PTPRD: variants seen among roughly 807,000 people sequenced by gnomAD.
PTPRD encodes the protein receptor-type tyrosine-protein phosphatase delta.
A neutral mutation model predicts 214.5 loss-of-function variants in PTPRD; 34 were observed. The observed-to-expected ratio is 0.16, with a 90% CI of 0.12 to 0.21. The LOEUF (loss-of-function observed/expected upper bound fraction) is 0.21. Ranked by LOEUF, PTPRD falls within the 10% of genes least tolerant of loss-of-function variation. PTPRD has a pLI of 1.00. For missense variants in PTPRD, 2,545 were observed against 2,398.7 expected (o/e 1.06, Z -1.27); for synonymous variants, 1,128 against 845.7 (o/e 1.33, Z -5.79).
chr9:10,185,439 T>C lies in PTPRD; in HGVS notation c.-544-151649A>G, dbSNP rs562491391. On this transcript the variant is annotated intron_variant, in intron 3 of 45. Transcript: ENST00000381196. ...CTTGAAGAAAAGGGAGAAAGAAAAT[T>C]AGCATTTATATCTTTCCTCCTTTGT... is the stretch of plus-strand genomic sequence containing the variant. Among the ~76,000 whole-genome samples, 8 of 152,306 alleles carry C rather than the reference T, an allele frequency of 5.3e-5. 1 individual carries two copies. Among genetic ancestry groups the C allele is most frequent in the African/African-American group, 1.7e-4 (7 of 41,580 alleles).
chr9:9,158,229 T>C (rs1174111308), intron 10 of PTPRD, among the ~76,000 whole-genome samples: 1 of 152,196 alleles, frequency 6.6e-6, no homozygotes, highest in Admixed American at 6.5e-5. Flanking sequence ...TGTGGCTATA[T>C]ACCTGTAGTG....
intron 12 of PTPRD, among the ~76,000 whole-genome samples, chr9:8,724,509 C>T (rs1349558075): frequency 6.6e-6 from 1 of 152,160 alleles, no homozygotes; most frequent in Non-Finnish European, 1.5e-5. Flanking sequence ...ACCATGCTGC[C>T]TCATTGCTCT....
At chr9:10,413,899 A>G (rs2098461734) in intron 2 of PTPRD, among the ~76,000 whole-genome samples, 1 of 152,024 alleles carries the variant, frequency 6.6e-6, no homozygotes, top group East Asian at 2.0e-4. Flanking sequence ...ATGACTGGCT[A>G]GACATGCAGC....
chr9:8,919,796 ACACATG>A (rs2098812684), intron 11 of PTPRD, among the ~76,000 whole-genome samples: 1 of 143,168 alleles, frequency 7.0e-6, no homozygotes, highest in Non-Finnish European at 1.6e-5. Context: ...CACAATACAT[ACACATG>A]CAAGTGCACA....
chr9:8,463,161 G>C (rs1459467753), intron 32 of PTPRD, among the ~76,000 whole-genome samples: 2 of 151,838 alleles, frequency 1.3e-5, no homozygotes, highest in Middle Eastern at 3.4e-3. Context: ...CAGGAGAACA[G>C]ATGTTCCACT....
At chr9:10,307,309 A>G (rs375242079) in intron 3 of PTPRD, among the ~76,000 whole-genome samples, 30 of 152,134 alleles carry the variant, frequency 2.0e-4, no homozygotes, top group African/African-American at 5.8e-4. Flanking sequence ...CTCACATATG[A>G]GTAAGAACAT....
At chr9:8,559,054 G>C (rs2085118952) in intron 14 of PTPRD, among the ~76,000 whole-genome samples, 1 of 152,030 alleles carries the variant, frequency 6.6e-6, no homozygotes, top group African/African-American at 2.4e-5. Flanking sequence ...AGTTTTACTT[G>C]TTTCTATCTC....
At chr9:9,112,836 G>A (rs1188701677) in intron 10 of PTPRD, among the ~76,000 whole-genome samples, 1 of 152,044 alleles carries the variant, frequency 6.6e-6, no homozygotes, top group African/African-American at 2.4e-5. Flanking sequence ...TAGCAAATAT[G>A]TTTCGTATCT....
At chr9:10,398,193 A>G (rs1027163335) in intron 2 of PTPRD, among the ~76,000 whole-genome samples, 1 of 151,658 alleles carries the variant, frequency 6.6e-6, no homozygotes, top group African/African-American at 2.4e-5. Flanking sequence ...AGCCTGGACA[A>G]CACAGCGAGA....
intron 26 of PTPRD, among the ~76,000 whole-genome samples, chr9:8,496,078 G>C (rs2136509191): frequency 6.6e-6 from 1 of 151,856 alleles, no homozygotes; most frequent in African/African-American, 2.4e-5. Context: ...CAGGCTCACT[G>C]TCACGTGACT....
chr9:9,739,248 T>C (rs541846310), intron 6 of PTPRD, among the ~76,000 whole-genome samples: 15 of 152,312 alleles, frequency 9.8e-5, no homozygotes, highest in African/African-American at 3.6e-4. Flanking sequence ...CTGGGCATCC[T>C]TGTCTTTATC....
At chr9:9,554,028 T>A (rs780577231) in intron 8 of PTPRD, among the ~76,000 whole-genome samples, 1 of 152,064 alleles carries the variant, frequency 6.6e-6, no homozygotes, top group Non-Finnish European at 1.5e-5. Context: ...TGAGAATTGA[T>A]GCCATTTATG....
intron 14 of PTPRD, among the ~76,000 whole-genome samples, chr9:8,597,581 C>G (rs1052490423): frequency 6.6e-6 from 1 of 152,046 alleles, no homozygotes; most frequent in Non-Finnish European, 1.5e-5. Flanking sequence ...AAATAAAAAA[C>G]AGAATGCATT....
intron 3 of PTPRD, among the ~76,000 whole-genome samples, chr9:10,258,029 C>T (rs1000772378): frequency 6.6e-6 from 1 of 152,084 alleles, no homozygotes. Context: ...GAGAAGGGGG[C>T]AGGAAGGTGG....
intron 8 of PTPRD, among the ~76,000 whole-genome samples, chr9:9,453,062 C>A (rs531464648): frequency 4.1e-5 from 6 of 148,124 alleles, no homozygotes; most frequent in Non-Finnish European, 7.5e-5. Flanking sequence ...AATTTAATAT[C>A]CATAAGATGT....
intron 5 of PTPRD, among the ~76,000 whole-genome samples, chr9:9,779,332 A>G (rs1258244314): frequency 6.6e-6 from 1 of 152,134 alleles, no homozygotes; most frequent in African/African-American, 2.4e-5. Context: ...AGCAATTACA[A>G]CAAAAACAAA....
chr9:8,708,894 C>G (rs867942679), intron 12 of PTPRD, among the ~76,000 whole-genome samples: 20 of 152,008 alleles, frequency 1.3e-4, no homozygotes, highest in Admixed American at 1.3e-4. Flanking sequence ...ATTATGTACA[C>G]AGTGAAATCC....
intron 12 of PTPRD, among the ~76,000 whole-genome samples, chr9:8,709,671 G>C (rs115233745): frequency 0.011 from 1,604 of 151,998 alleles, 25 homozygotes; most frequent in African/African-American, 0.036. Context: ...AAAATATCCA[G>C]TTATATTCAG....
At chr9:9,406,813 G>GA (rs965639970) in intron 8 of PTPRD, among the ~76,000 whole-genome samples, 3 of 148,280 alleles carry the variant, frequency 2.0e-5, no homozygotes, top group African/African-American at 7.4e-5. Flanking sequence ...CAGTAGGCTT[G>GA]AAAAAAATAT....
Sources: gnomAD v4.1 joint callset for allele counts (sites outside exome capture counted in the v4.1 genomes callset) on GRCh38, gnomAD v4.1.1 for gene constraint, MANE v1.5 for transcripts, NCBI Gene and HGNC (gene_info 2026-07-23, HGNC 2026-07-21) for gene names.